The following CLCN3 variants were observed in gnomAD, a reference collection of about 807,000 sequenced individuals.
CLCN3 encodes the protein H(+)/Cl(-) exchange transporter 3.
In CLCN3, 16 loss-of-function variants were observed where a neutral mutation model predicts 83.4. The ratio of observed to expected loss-of-function variants is 0.19; its 90% CI spans 0.13 to 0.29. The LOEUF (loss-of-function observed/expected upper bound fraction) is 0.29. CLCN3 is among the 10% of genes least tolerant of loss of function. The probability of loss-of-function intolerance (pLI) is 1.00; values close to 1 mark genes in which losing one functional copy is unlikely to be tolerated. For missense variants in CLCN3, 544 were observed against 1,006.0 expected (o/e 0.54, Z 6.21); for synonymous variants, 322 against 346.2 (o/e 0.93, Z 0.78).
At chr4:169,671,563 A>G (rs569194089) in intron 2 of CLCN3, among the ~76,000 whole-genome samples, 1 of 152,326 alleles carries the variant, frequency 6.6e-6, no homozygotes, top group Non-Finnish European at 1.5e-5. Flanking sequence ...ATGTGCACCT[A>G]TGTAACAAAC....
At chr4:169,671,469 G>C (rs1409932005) in intron 2 of CLCN3, among the ~76,000 whole-genome samples, 1 of 152,054 alleles carries the variant, frequency 6.6e-6, no homozygotes, top group Non-Finnish European at 1.5e-5. Context: ...CAAGGGGAGG[G>C]AGAGCATTAG....
intron 2 of CLCN3, among the ~76,000 whole-genome samples, chr4:169,646,095 G>A (rs1730562737): frequency 6.6e-6 from 1 of 151,904 alleles, no homozygotes; most frequent in Non-Finnish European, 1.5e-5. Context: ...AAGTTTTGTG[G>A]GGAAGGGATA....
At chr4:169,639,697 G>A (rs1469478891) in intron 2 of CLCN3, among the ~76,000 whole-genome samples, 1 of 152,162 alleles carries the variant, frequency 6.6e-6, no homozygotes, top group Non-Finnish European at 1.5e-5. Flanking sequence ...CTCACTATGG[G>A]TTAAGGCAGA....
intron 2 of CLCN3, among the ~76,000 whole-genome samples, chr4:169,667,215 A>G (rs769035023): frequency 2.6e-5 from 4 of 152,154 alleles, no homozygotes; most frequent in Non-Finnish European, 4.4e-5. Context: ...GCACGTGAAT[A>G]GCCAGTTGTC....
chr4:169,626,454 G>A (rs1052473993), intron 1 of CLCN3, among the ~76,000 whole-genome samples: 10 of 152,250 alleles, frequency 6.6e-5, no homozygotes, highest in Admixed American at 2.0e-4. Flanking sequence ...GACCCAGTGG[G>A]GAAACCCAGC....
In CLCN3 at chr4:169,635,908, C is replaced by G. The variant is rs1249193417; in HGVS notation, c.-16-5C>G. ...AATGTTAAAACTACTTTTTCCCCCC[C>G]ACAGATAATCAGACAGCTAAATGGA... On this transcript the variant is annotated splice_region_variant and splice_polypyrimidine_tract_variant and intron_variant, in intron 1 of 12. Transcript: ENST00000513761. 2.0e-6 allele frequency: 3 copies of G among 1,514,574 alleles called. No individual in the cohort carries two copies. The highest frequency in any genetic ancestry group is 2.8e-5 in the African/African-American group (2 of 70,766). 93.8% of individuals were successfully genotyped at this position (1,514,574 alleles called of 1,614,324 possible). A position where few individuals can be genotyped will look rare whatever the true frequency, so the allele number is the denominator to read the frequency against.
At chr4:169,667,615 TG>T (rs1731292825) in intron 2 of CLCN3, among the ~76,000 whole-genome samples, 1 of 151,698 alleles carries the variant, frequency 6.6e-6, no homozygotes, top group South Asian at 2.1e-4. Context: ...ATGAGATGCA[TG>T]AATGATGCAT....
In CLCN3 at chr4:169,702,795, A is replaced by AG. The variant is rs1553972053; in HGVS notation, c.1564-1203_1564-1202insG. 5.7e-3 allele frequency: 1,729 copies of AG among 300,998 alleles called. 11 individuals carry two copies. The highest frequency in any genetic ancestry group is 0.013 in the East Asian group (137 of 10,284). The allele number at this position is 300,998 out of a possible 1,614,324, so 18.6% of individuals were successfully genotyped here. On this transcript the variant is annotated intron_variant, in intron 9 of 12. Coordinates refer to ENST00000513761, the MANE Select transcript of CLCN3 (RefSeq NM_001829.4). Reference sequence around the variant, plus strand: ...ATCTCTACAAAAAAAAAAAAAAAAAAAAGAAAGCCAGGTGTGGTGGTGCAC... The same window carrying AG: ...ATCTCTACAAAAAAAAAAAAAAAAAAGAAGAAAGCCAGGTGTGGTGGTGCAC...
intron 2 of CLCN3, among the ~76,000 whole-genome samples, chr4:169,676,621 G>C (rs1181121232): frequency 9.3e-5 from 14 of 151,068 alleles, no homozygotes; most frequent in African/African-American, 3.4e-4. Flanking sequence ...GAGTAGCTGG[G>C]ACTACAGACA....
intron 7 of CLCN3, among the ~76,000 whole-genome samples, chr4:169,695,298 C>G (rs1732522756): frequency 6.6e-6 from 1 of 152,176 alleles, no homozygotes; most frequent in African/African-American, 2.4e-5. Context: ...CCCCTCTTAC[C>G]TACACAAACA....
chr4:169,678,790 C>A (rs1159219936), intron 2 of CLCN3, among the ~76,000 whole-genome samples: 1 of 152,224 alleles, frequency 6.6e-6, no homozygotes, highest in Non-Finnish European at 1.5e-5. Context: ...TAGTACAGAA[C>A]AAAATGGAGT....
chr4:169,695,774 A>G, intron 8 of CLCN3, 82 bp downstream of exon 8: 1 of 870,850 alleles, frequency 1.1e-6, no homozygotes, highest in South Asian at 1.6e-5. Flanking sequence ...TTTGTAGGTG[A>G]TGTAATAGGT....
rs17710620 is a variant in CLCN3, at chr4:169,652,291, A to G, written c.160+16203A>G. ...TTTGCTCATCTAGGTATGCATCCTT[A>G]AGAATATAATTCATTCAAGCCAGAA... On this transcript the variant is annotated intron_variant, in intron 2 of 12. Transcript: ENST00000513761. Among the ~76,000 whole-genome samples, 150 of 152,296 alleles carry G rather than the reference A, an allele frequency of 9.8e-4. 3 individuals are homozygous for G. The East Asian group carries it at 0.028, about 28-fold the overall frequency.
chr4:169,690,135 TTC>T (rs1047714220), intron 5 of CLCN3, among the ~76,000 whole-genome samples: 1 of 94,954 alleles, frequency 1.1e-5, no homozygotes, highest in African/African-American at 4.1e-5. Context: ...TTTCTTTTCT[TTC>T]TTTTTTTTTT....
chr4:169,696,681 C>A (rs1255925897), intron 8 of CLCN3, among the ~76,000 whole-genome samples: 3 of 152,126 alleles, frequency 2.0e-5, no homozygotes, highest in African/African-American at 7.2e-5. Flanking sequence ...TGACTAATGT[C>A]TCCCCTTTCC....
chr4:169,691,657 T>C (rs544147869), intron 6 of CLCN3, among the ~76,000 whole-genome samples: 68 of 152,298 alleles, frequency 4.5e-4, no homozygotes, highest in African/African-American at 1.5e-3. Context: ...TATATAACAG[T>C]TGTTACTCAT....
At chr4:169,654,379 T>C (rs1730823126) in intron 2 of CLCN3, among the ~76,000 whole-genome samples, 3 of 152,234 alleles carry the variant, frequency 2.0e-5, no homozygotes, top group African/African-American at 4.8e-5. Context: ...TTTTCTATTA[T>C]GTATTTCTTT....
intron 2 of CLCN3, among the ~76,000 whole-genome samples, chr4:169,649,082 T>C (rs371113110): frequency 2.0e-5 from 3 of 149,666 alleles, no homozygotes; most frequent in South Asian, 4.2e-4. Context: ...CAAAATTGAA[T>C]ATGTATTATT....
intron 7 of CLCN3, 75 bp from the exon 8 acceptor site, chr4:169,695,537 A>C: frequency 9.2e-7 from 1 of 1,084,270 alleles, no homozygotes; most frequent in Non-Finnish European, 1.4e-6. Flanking sequence ...GGAAAATTCA[A>C]GTAACATGAA....
Sources: allele counts gnomAD v4.1 joint callset (sites outside exome capture counted in the v4.1 genomes callset), GRCh38; gene constraint gnomAD v4.1.1; transcripts MANE v1.5; gene names NCBI Gene and HGNC (gene_info 2026-07-23, HGNC 2026-07-21).